SPANXN2: variants seen among roughly 807,000 people sequenced by gnomAD.
The protein encoded by SPANXN2 is SPANX family member N2.
In SPANXN2, 1 loss-of-function variant was observed where a neutral mutation model predicts 2.0. The ratio of observed to expected loss-of-function variants is 0.50; its 90% CI spans 0.18 to 2.36. The LOEUF (loss-of-function observed/expected upper bound fraction) is 2.36. Among genes scored for constraint, SPANXN2 ranks in the 30% most tolerant of loss-of-function variants. SPANXN2 has a pLI of 0.26. For missense variants in SPANXN2, 88 were observed against 116.7 expected, an observed-to-expected ratio of 0.75 and a Z score of 1.13; for synonymous variants, 43 against 49.8, an observed-to-expected ratio of 0.86 and a Z score of 0.58.
intron 1 of SPANXN2, among the ~76,000 whole-genome samples, chrX:143,718,039 T>C (rs1424473234): frequency 9.0e-6 from 1 of 111,546 alleles, no homozygotes; most frequent in Admixed American, 9.5e-5. Flanking sequence ...CAACAGCTGG[T>C]AAAGGCTCTA....
intron 1 of SPANXN2, among the ~76,000 whole-genome samples, chrX:143,716,383 C>T (rs1385208330): frequency 9.0e-6 from 1 of 111,161 alleles, no homozygotes; most frequent in Admixed American, 9.5e-5. Flanking sequence ...CCTTCTTGGG[C>T]CTTGTGGGAT....
chrX:143,715,814 G>T (rs1420621214), intron 1 of SPANXN2, among the ~76,000 whole-genome samples: 2 of 110,835 alleles, frequency 1.8e-5, no homozygotes, highest in African/African-American at 6.6e-5. Context: ...TAACCAGGCC[G>T]TGGTACCAAT....
At chrX:143,712,426 G>A (rs782789516) in exon 2 of SPANXN2, 1 of 1,212,216 alleles carries the variant, frequency 8.2e-7, no homozygotes, top group East Asian at 3.0e-5. Flanking sequence ...CACTATTATT[G>A]TTAGATATTC....
rs781846944 is a variant in SPANXN2 at position 143,715,862 on chromosome X, C to T, written c.79-3363G>A. Among the ~76,000 whole-genome samples, 156 of 111,347 alleles carry T rather than the reference C, an allele frequency of 1.4e-3. 1 individual carries two copies. The highest frequency in any genetic ancestry group is 4.8e-3 in the African/African-American group (146 of 30,572). ...CCTCAACCAATATACTCTACTCTAC[C>T]GTATTGCCCCATCTACCACACACTC... On this transcript the variant is annotated intron_variant, in intron 1 of 1. Transcript: ENST00000598475.
intron 1 of SPANXN2, among the ~76,000 whole-genome samples, chrX:143,719,462 C>CTACCCT (rs1254603047): frequency 8.0e-5 from 9 of 112,148 alleles, no homozygotes; most frequent in African/African-American, 2.9e-4. Flanking sequence ...TTCAGAGGGG[C>CTACCCT]TACCCTTGCT....
chrX:143,712,271 C>T, exon 2 of SPANXN2: 2 of 1,211,583 alleles, frequency 1.7e-6, no homozygotes, highest in South Asian at 3.5e-5. Context: ...TCAGATGAGT[C>T]CAGGTCTTCG....
intron 1 of SPANXN2, among the ~76,000 whole-genome samples, chrX:143,719,537 C>A: frequency 8.9e-6 from 1 of 112,137 alleles, no homozygotes; most frequent in Admixed American, 9.4e-5. Context: ...ATTCAACCCC[C>A]ACCTTCTCAT....
chrX:143,718,564 A>T (rs1196610480), intron 1 of SPANXN2, among the ~76,000 whole-genome samples: 1 of 111,770 alleles, frequency 8.9e-6, no homozygotes, highest in Admixed American at 9.5e-5. Flanking sequence ...CCAGATCCAC[A>T]TCTAGAAATT....
At chrX:143,718,388 C>T (rs1556450238) in intron 1 of SPANXN2, among the ~76,000 whole-genome samples, 1 of 111,370 alleles carries the variant, frequency 9.0e-6, no homozygotes, top group African/African-American at 3.3e-5. Context: ...TCAAAACACT[C>T]CTCCCTGTCC....
chrX:143,719,742 CA>C lies in SPANXN2; in HGVS notation c.78+848del, dbSNP rs1279332946. 2.7e-5 allele frequency among the ~76,000 whole-genome samples: 3 copies of C among 111,007 alleles called. No individual in the cohort carries two copies. In the East Asian group the frequency reaches 8.6e-4, roughly 32 times the overall value. On this transcript the variant is annotated intron_variant, in intron 1 of 1. Transcript: ENST00000598475. ...TAGTAGCTTCTGTCTCATCTTCCTC[CA>C]CACACACTAAGCAGGCTGTACATCT...
chrX:143,719,303 T>C (rs1254832525), intron 1 of SPANXN2, among the ~76,000 whole-genome samples: 1 of 110,859 alleles, frequency 9.0e-6, no homozygotes, highest in Non-Finnish European at 1.9e-5. Flanking sequence ...CCCTGGAAAA[T>C]ATCCACAAAC....
chrX:143,716,260 A>G (rs1932261599), intron 1 of SPANXN2, among the ~76,000 whole-genome samples: 1 of 111,137 alleles, frequency 9.0e-6, no homozygotes, highest in African/African-American at 3.3e-5. Context: ...CCCAAATCAA[A>G]GTTACTTACC....
intron 1 of SPANXN2, among the ~76,000 whole-genome samples, chrX:143,720,078 A>G (rs1192715744): frequency 6.3e-5 from 7 of 110,958 alleles, no homozygotes; most frequent in Non-Finnish European, 9.4e-5. Flanking sequence ...TTCGGCAGCA[A>G]GCAGCCAGAT....
At chrX:143,712,407 G>A (rs1932178487) in exon 2 of SPANXN2, 6 of 1,211,361 alleles carry the variant, frequency 5.0e-6, no homozygotes, top group Non-Finnish European at 6.7e-6. Flanking sequence ...TATGCTTCCT[G>A]TAGTAATACA....
At chrX:143,714,346 CT>C (rs2124003722) in intron 1 of SPANXN2, among the ~76,000 whole-genome samples, 1 of 111,709 alleles carries the variant, frequency 9.0e-6, no homozygotes, top group East Asian at 2.8e-4. Flanking sequence ...ACAAGGAATT[CT>C]TGTACTTCCC....
At chrX:143,712,027 A>G (rs1932166633) in exon 2 of SPANXN2, 2 of 1,212,092 alleles carry the variant, frequency 1.7e-6, no homozygotes, top group African/African-American at 3.5e-5. Context: ...TGGTTTCTCC[A>G]TGTTTGACTA....
chrX:143,712,389 T>G, exon 2 of SPANXN2: 1 of 1,212,534 alleles, frequency 8.2e-7, no homozygotes, highest in Non-Finnish European at 1.1e-6. Context: ...GATTTGAATT[T>G]ATTTTCGTAT....
chrX:143,716,595 C>A, intron 1 of SPANXN2, among the ~76,000 whole-genome samples: 1 of 112,127 alleles, frequency 8.9e-6, no homozygotes, highest in Non-Finnish European at 1.9e-5. Flanking sequence ...TTCTGACCAG[C>A]GCCTTGCCCT....
At chrX:143,712,585 A>T (rs1932185385) in intron 1 of SPANXN2, 86 bp from the exon 2 acceptor site, 4 of 869,708 alleles carry the variant, frequency 4.6e-6, no homozygotes, top group Non-Finnish European at 6.5e-6. Context: ...CTTTATGAGA[A>T]GGAATGCAGG....
Sources: gnomAD v4.1 joint callset for allele counts (sites outside exome capture counted in the v4.1 genomes callset) on GRCh38, gnomAD v4.1.1 for gene constraint, MANE v1.5 for transcripts, NCBI Gene and HGNC (gene_info 2026-07-23, HGNC 2026-07-21) for gene names.